Variants in SPON1 observed in about 807,000 individuals in gnomAD.
SPON1 encodes the protein spondin 1.
In SPON1, 52 loss-of-function variants were observed where a neutral mutation model predicts 111.7. The ratio of observed to expected loss-of-function variants is 0.47; its 90% CI spans 0.37 to 0.59. The LOEUF (loss-of-function observed/expected upper bound fraction) is 0.59. Among genes scored for constraint, SPON1 ranks in the 20% least tolerant of loss-of-function variants. The probability of loss-of-function intolerance (pLI) is 0.00; values close to 1 mark genes in which losing one functional copy is unlikely to be tolerated. For synonymous variants in SPON1, 410 were observed against 395.8 expected (o/e 1.04, Z -0.43); for missense variants, 957 against 1,068.5 (o/e 0.90, Z 1.46).
chr11:13,988,897 C>A (rs534881965), intron 2 of SPON1, among the ~76,000 whole-genome samples: 3 of 152,278 alleles, frequency 2.0e-5, no homozygotes, highest in Admixed American at 2.0e-4. Context: ...AGGGATGAAG[C>A]TGACTTGATC....
At chr11:14,242,601 C>T (rs1206694593) in intron 6 of SPON1, among the ~76,000 whole-genome samples, 1 of 152,222 alleles carries the variant, frequency 6.6e-6, no homozygotes, top group Non-Finnish European at 1.5e-5. Context: ...AAAAACCCAA[C>T]CAAACCTCAA....
chr11:14,021,924 A>T (rs1395570146), intron 2 of SPON1, among the ~76,000 whole-genome samples: 1 of 152,186 alleles, frequency 6.6e-6, no homozygotes, highest in African/African-American at 2.4e-5. Flanking sequence ...GGGACCAGGG[A>T]TGTAATTAAC....
intron 5 of SPON1, among the ~76,000 whole-genome samples, chr11:14,121,770 C>T (rs1419946064): frequency 6.6e-6 from 1 of 152,138 alleles, no homozygotes; most frequent in Non-Finnish European, 1.5e-5. Context: ...TTTAATATTT[C>T]ATATACTGCA....
intron 6 of SPON1, among the ~76,000 whole-genome samples, chr11:14,152,824 C>T (rs1480943010): frequency 6.6e-5 from 10 of 152,162 alleles, no homozygotes; most frequent in African/African-American, 2.4e-4. Flanking sequence ...GTATTCATGA[C>T]TGCAAGCATG....
rs1847957293 is a variant in SPON1 at position 14,161,254 on chromosome 11, T to C, written c.825+25686T>C. Among the ~76,000 whole-genome samples the C allele has an allele frequency of 2.1e-5, 2 of 97,390 alleles. 1 individual carries two copies. Among genetic ancestry groups the C allele is most frequent in the African/African-American group, 7.8e-5 (2 of 25,702 alleles). 63.9% of individuals were successfully genotyped at this position (97,390 alleles called of 152,430 possible). A position where few individuals can be genotyped will look rare whatever the true frequency, so the allele number is the denominator to read the frequency against. On this transcript the variant is annotated intron_variant, in intron 6 of 15. Transcript: ENST00000576479. ...TTATATATTTATATATCTATATATT[T>C]ATATATTTATATATCTGTATATCTA...
chr11:14,169,526 G>C (rs1431759955), intron 6 of SPON1, among the ~76,000 whole-genome samples: 1 of 151,502 alleles, frequency 6.6e-6, no homozygotes, highest in South Asian at 2.1e-4. Context: ...GTCAATTTTG[G>C]CTTTTGTTGC....
chr11:14,247,042 A>G (rs1202366107), intron 7 of SPON1, among the ~76,000 whole-genome samples: 2 of 152,230 alleles, frequency 1.3e-5, no homozygotes, highest in Admixed American at 1.3e-4. Flanking sequence ...AGATCCAGAA[A>G]TCAAAGATGA....
intron 2 of SPON1, among the ~76,000 whole-genome samples, chr11:14,023,570 G>C (rs141453282): frequency 6.6e-6 from 1 of 152,102 alleles, no homozygotes; most frequent in East Asian, 1.9e-4. Context: ...CATTTTCTCA[G>C]CTATGGATTT....
In SPON1 at chr11:14,260,665, C is replaced by T. The variant is rs1157466067; in HGVS notation, c.1909C>T (p.Arg637Ter). 4 of 1,613,812 alleles carry T rather than the reference C, an allele frequency of 2.5e-6. No homozygotes were observed. The highest frequency in any genetic ancestry group is 1.1e-5 in the South Asian group (1 of 91,082). ...GACCTGCGGGAAGGGCATGCGAACC[C>T]GACAGCGGATGCTCAAGTCTCTGGC... Reference protein sequence around the residue: ...SVTCGKGMRTRQRMLKSLAEL... With the variant: ...SVTCGKGMRT The change falls in exon 14 of 16, where the codon CGA becomes TGA. Residue 637 changes from arginine to a stop codon, truncating the protein, a stop_gained. Coordinates refer to ENST00000576479, the MANE Select transcript of SPON1 (RefSeq NM_006108.4). LOFTEE classifies it high-confidence loss of function.
At chr11:14,038,285 G>T (rs1404161327) in intron 2 of SPON1, among the ~76,000 whole-genome samples, 1 of 151,970 alleles carries the variant, frequency 6.6e-6, no homozygotes, top group East Asian at 1.9e-4. Flanking sequence ...GGCCAACATG[G>T]TGAAACCCCA....
Position 14,256,644 on chromosome 11 carries a change from A to G in SPON1, c.1261A>G (p.Asn421Asp). 6.2e-7 allele frequency: 1 copy of G among 1,613,868 alleles called. No individual in the cohort carries two copies. Among genetic ancestry groups the G allele is most frequent in the African/African-American group, 1.3e-5 (1 of 75,072 alleles). ...TGAACAATGCAATATTGTACCTGAC[A>G]ATGTCGATGATATTGTAGCTGACCT... Reference protein sequence around the residue: ...KGEQCNIVPDNVDDIVADLAP... With the variant: ...KGEQCNIVPDDVDDIVADLAP... Residue 421 changes from asparagine to aspartate, a missense_variant, in exon 10 of 16, where the codon AAT (asparagine) becomes GAT (aspartate). Asn to Asp is a conservative substitution (Grantham distance 23). Transcript: ENST00000576479.
chr11:14,151,464 G>A (rs983454783), intron 6 of SPON1, among the ~76,000 whole-genome samples: 2 of 152,142 alleles, frequency 1.3e-5, no homozygotes, highest in Non-Finnish European at 2.9e-5. Context: ...GCAAGGAAGC[G>A]ACCAGAGACC....
chr11:14,089,914 C>T (rs1424906030), intron 5 of SPON1, among the ~76,000 whole-genome samples: 1 of 152,152 alleles, frequency 6.6e-6, no homozygotes, highest in Non-Finnish European at 1.5e-5. Context: ...TTGAGTTCCG[C>T]CCAGTCTGAA....
At chr11:14,025,650 G>A (rs7114152) in intron 2 of SPON1, among the ~76,000 whole-genome samples, 1,830 of 152,220 alleles carry the variant, frequency 0.012, 43 homozygotes, top group African/African-American at 0.042. Flanking sequence ...CAAAGATAAA[G>A]GGTCATGCGG....
intron 6 of SPON1, among the ~76,000 whole-genome samples, chr11:14,236,093 G>T (rs1314036399): frequency 6.6e-6 from 1 of 152,164 alleles, no homozygotes; most frequent in Admixed American, 6.5e-5. Context: ...AAAGCCACTG[G>T]AGGATTTTGG....
At chr11:14,164,713 G>A (rs61883818) in intron 6 of SPON1, among the ~76,000 whole-genome samples, 1,800 of 152,224 alleles carry the variant, frequency 0.012, 21 homozygotes, top group Non-Finnish European at 0.017. Flanking sequence ...GCAGGAGACC[G>A]GAGTTTTATT....
chr11:14,104,754 T>C (rs1849172171), intron 5 of SPON1, among the ~76,000 whole-genome samples: 1 of 152,122 alleles, frequency 6.6e-6, no homozygotes, highest in South Asian at 2.1e-4. Context: ...CAGGTCTATC[T>C]TTTAAGATCA....
chr11:14,084,838 A>G (rs933700118), intron 5 of SPON1, among the ~76,000 whole-genome samples: 1 of 152,154 alleles, frequency 6.6e-6, no homozygotes, highest in South Asian at 2.1e-4. Flanking sequence ...AATGATCACT[A>G]TTCTAACTGG....
At chr11:14,183,608 C>G (rs1554933863) in intron 6 of SPON1, among the ~76,000 whole-genome samples, 1 of 152,146 alleles carries the variant, frequency 6.6e-6, no homozygotes, top group Non-Finnish European at 1.5e-5. Flanking sequence ...TTATTAGGCA[C>G]CTACCATCTG....
Sources: gnomAD v4.1 joint callset for allele counts (sites outside exome capture counted in the v4.1 genomes callset) on GRCh38, gnomAD v4.1.1 for gene constraint, MANE v1.5 for transcripts, NCBI Gene and HGNC (gene_info 2026-07-23, HGNC 2026-07-21) for gene names.